AGBL4: variants seen among roughly 807,000 people sequenced by gnomAD.
AGBL4 encodes AGBL carboxypeptidase 4.
Under a neutral mutation model 66.4 loss-of-function variants are expected in AGBL4, and 58 were observed. That is an observed-to-expected ratio of 0.87 (90% CI 0.71 to 1.09). The LOEUF is 1.09. Among genes scored for constraint, AGBL4 ranks in the 50% least tolerant of loss-of-function variants. AGBL4 has a pLI of 0.00. For missense variants in AGBL4, 579 were observed against 631.0 expected (o/e 0.92, Z 0.88); for synonymous variants, 234 against 222.9 (o/e 1.05, Z -0.44).
intron 2 of AGBL4, among the ~76,000 whole-genome samples, chr1:49,721,746 A>G (rs1648628680): frequency 6.6e-6 from 1 of 152,140 alleles, no homozygotes; most frequent in South Asian, 2.1e-4. Flanking sequence ...GAAGCAATGA[A>G]AGGAAGGAGT....
chr1:48,811,939 A>G (rs1213275288), intron 6 of AGBL4, among the ~76,000 whole-genome samples: 2 of 152,220 alleles, frequency 1.3e-5, no homozygotes, highest in Non-Finnish European at 1.5e-5. Context: ...GGAACCGTTC[A>G]GCAAGGTCTT....
At chr1:49,028,581 T>C (rs1221652813) in intron 5 of AGBL4, among the ~76,000 whole-genome samples, 9 of 152,084 alleles carry the variant, frequency 5.9e-5, no homozygotes, top group Non-Finnish European at 8.8e-5. Context: ...AAGAGAAAAG[T>C]GATTCATCAC....
In AGBL4 at chr1:48,539,646, G is replaced by T; in HGVS notation, c.1360C>A (p.Leu454Met). The change falls in exon 12 of 14, where the codon CTG becomes ATG. Residue 454 changes from leucine to methionine, a missense_variant. Transcript: ENST00000371839. ...VEKVAIPMPR[L>M]RNKEIEVQRR... is the part of the protein sequence containing the mutation. The stretch of plus-strand genomic sequence containing the variant: ...CCTCTCTGCTCTGCCACTTACCGCA[G>T]TCTCGGCATGGGAATTGCCACCTTT... The T allele has an allele frequency of 6.5e-7, 1 of 1,537,558 alleles. No homozygotes were observed. The highest frequency in any genetic ancestry group is 8.8e-7 in the Non-Finnish European group (1 of 1,138,088).
At chr1:49,533,164 C>T (rs911917616) in intron 3 of AGBL4, among the ~76,000 whole-genome samples, 1 of 152,112 alleles carries the variant, frequency 6.6e-6, no homozygotes, top group Non-Finnish European at 1.5e-5. Flanking sequence ...TCTTCACAAC[C>T]ACACCCACAA....
intron 2 of AGBL4, among the ~76,000 whole-genome samples, chr1:49,755,671 C>T (rs750883742): frequency 2.0e-5 from 3 of 152,128 alleles, no homozygotes; most frequent in Non-Finnish European, 4.4e-5. Flanking sequence ...TGAAATTTAA[C>T]AAGGAATCTT....
intron 3 of AGBL4, among the ~76,000 whole-genome samples, chr1:49,257,240 T>A (rs1250718106): frequency 6.6e-6 from 1 of 152,194 alleles, no homozygotes; most frequent in East Asian, 1.9e-4. Context: ...AGGTTACTGC[T>A]GTCTTTTTGT....
chr1:49,818,248 T>G (rs925858624), intron 2 of AGBL4, among the ~76,000 whole-genome samples: 2 of 152,200 alleles, frequency 1.3e-5, no homozygotes, highest in Non-Finnish European at 2.9e-5. Flanking sequence ...AATAAAATGA[T>G]GACTAAAAGA....
chr1:49,366,511 A>G (rs1464822194), intron 3 of AGBL4, among the ~76,000 whole-genome samples: 1 of 152,204 alleles, frequency 6.6e-6, no homozygotes, highest in Non-Finnish European at 1.5e-5. Context: ...AGGAGTTATA[A>G]CCATCATAAA....
intron 4 of AGBL4, among the ~76,000 whole-genome samples, chr1:49,069,627 T>G (rs1418222258): frequency 6.6e-6 from 1 of 151,938 alleles, no homozygotes; most frequent in Non-Finnish European, 1.5e-5. Context: ...CTGTTTTGGT[T>G]ACTGTAGCCT....
chr1:48,608,493 G>A (rs879329127), intron 9 of AGBL4, among the ~76,000 whole-genome samples: 10 of 152,152 alleles, frequency 6.6e-5, no homozygotes, highest in Admixed American at 2.0e-4. Context: ...ATGGCTCTAT[G>A]TCAGTAACTG....
chr1:49,861,995 T>C (rs1028506494), intron 1 of AGBL4, among the ~76,000 whole-genome samples: 2 of 152,092 alleles, frequency 1.3e-5, no homozygotes, highest in African/African-American at 4.8e-5. Context: ...AAAAAACATC[T>C]ACTAGCATCA....
chr1:49,252,452 G>T (rs1462616049), intron 3 of AGBL4, among the ~76,000 whole-genome samples: 1 of 152,118 alleles, frequency 6.6e-6, no homozygotes, highest in Admixed American at 6.5e-5. Context: ...CCCTGAAAAA[G>T]ATAGGGAGAA....
chr1:49,689,679 T>A (rs1646850498), intron 3 of AGBL4, among the ~76,000 whole-genome samples: 1 of 152,210 alleles, frequency 6.6e-6, no homozygotes, highest in African/African-American at 2.4e-5. Flanking sequence ...ATTTTAATAA[T>A]GTTGATTCTT....
intron 6 of AGBL4, among the ~76,000 whole-genome samples, chr1:48,791,895 A>C (rs1349126829): frequency 6.6e-6 from 1 of 152,168 alleles, no homozygotes; most frequent in Non-Finnish European, 1.5e-5. Flanking sequence ...TCTGTGCCAG[A>C]CTCTAAATTA....
At chr1:49,295,143 C>A (rs1644616528) in intron 3 of AGBL4, among the ~76,000 whole-genome samples, 1 of 152,208 alleles carries the variant, frequency 6.6e-6, no homozygotes, top group Non-Finnish European at 1.5e-5. Context: ...CTTCCACCTA[C>A]CCAAATCCTA....
intron 1 of AGBL4, among the ~76,000 whole-genome samples, chr1:49,861,924 T>G (rs1332585414): frequency 1.3e-5 from 2 of 152,140 alleles, no homozygotes; most frequent in African/African-American, 4.8e-5. Flanking sequence ...AGGATGGCTA[T>G]AAACAAGCCC....
intron 3 of AGBL4, among the ~76,000 whole-genome samples, chr1:49,484,182 C>T (rs1035591826): frequency 3.9e-5 from 6 of 151,944 alleles, no homozygotes; most frequent in Admixed American, 3.3e-4. Context: ...TGAGAAAAAA[C>T]GGTTTGGAAG....
intron 3 of AGBL4, among the ~76,000 whole-genome samples, chr1:49,352,901 T>C (rs925735169): frequency 2.6e-5 from 4 of 152,190 alleles, no homozygotes; most frequent in African/African-American, 4.8e-5. Context: ...GATTCAAACC[T>C]AGGTTGGACT....
At chr1:49,862,694 AG>A (rs1395575052) in intron 1 of AGBL4, among the ~76,000 whole-genome samples, 1 of 152,208 alleles carries the variant, frequency 6.6e-6, no homozygotes, top group Non-Finnish European at 1.5e-5. Flanking sequence ...ACCTGGCGGC[AG>A]ACTTTTCAGT....
Sources: gnomAD v4.1 joint callset for allele counts (sites outside exome capture counted in the v4.1 genomes callset) on GRCh38, gnomAD v4.1.1 for gene constraint, MANE v1.5 for transcripts, NCBI Gene and HGNC (gene_info 2026-07-23, HGNC 2026-07-21) for gene names.